The following CNGA1 variants were observed in gnomAD, a reference collection of about 807,000 sequenced individuals.
CNGA1 encodes cyclic nucleotide gated channel subunit alpha 1, also known as cyclic nucleotide-gated channel alpha-1.
In CNGA1, 53 loss-of-function variants were observed where a neutral mutation model predicts 69.7. The ratio of observed to expected loss-of-function variants is 0.76; its 90% CI spans 0.61 to 0.96. CNGA1 has a LOEUF of 0.96. CNGA1 is among the 40% of genes least tolerant of loss of function. The pLI is 0.00. For missense variants in CNGA1, 739 were observed against 811.2 expected, an observed-to-expected ratio of 0.91 and a Z score of 1.08; for synonymous variants, 249 against 283.5, an observed-to-expected ratio of 0.88 and a Z score of 1.22.
chr4:47,997,461 A>T (rs762105371), intron 2 of CNGA1, among the ~76,000 whole-genome samples: 4 of 152,204 alleles, frequency 2.6e-5, no homozygotes, highest in Non-Finnish European at 5.9e-5. Flanking sequence ...ATATGATTAA[A>T]ACCTAGCAAA....
In CNGA1 at chr4:47,936,149, A is replaced by T. The variant is rs774482905; in HGVS notation, c.*272T>A. The T allele has an allele frequency of 4.0e-6, 2 of 502,420 alleles. No homozygotes were observed. Among genetic ancestry groups the T allele is most frequent in the Non-Finnish European group, 7.1e-6 (2 of 282,492 alleles). The allele number at this position is 502,420 out of a possible 1,614,324, so 31.1% of individuals were successfully genotyped here. A position where few individuals can be genotyped will look rare whatever the true frequency, so the allele number is the denominator to read the frequency against. On this transcript the variant is annotated 3_prime_UTR_variant, in exon 11 of 11. Transcript: ENST00000514170. The stretch of plus-strand genomic sequence containing the variant: ...GAAGAATATTACATAAAATGAGCGT[A>T]TGTGAAAAAATCAGAAAATACAGAC...
intron 4 of CNGA1, among the ~76,000 whole-genome samples, chr4:47,952,368 AAAATAAAT>A (rs10665658): frequency 0.011 from 1,595 of 144,564 alleles, 7 homozygotes; most frequent in African/African-American, 0.017. Flanking sequence ...ACTCCATCTC[AAAATAAAT>A]AAATAAATAA....
chr4:47,968,611 GGAGACATAAATGCAAGAGGCT>G (rs1289772852), intron 3 of CNGA1, among the ~76,000 whole-genome samples: 1 of 152,176 alleles, frequency 6.6e-6, no homozygotes, highest in African/African-American at 2.4e-5. Flanking sequence ...CCCAAGAGCA[GGAGACATAAATGCAAGAGGCT>G]GCTTAAAGTT....
At chr4:48,007,771 T>C (rs1158235926) in intron 2 of CNGA1, among the ~76,000 whole-genome samples, 1 of 152,206 alleles carries the variant, frequency 6.6e-6, no homozygotes, top group Non-Finnish European at 1.5e-5. Context: ...GTTAGGCCAG[T>C]TACCAAAAGG....
At chr4:48,000,978 T>C (rs1269995794) in intron 2 of CNGA1, among the ~76,000 whole-genome samples, 2 of 152,196 alleles carry the variant, frequency 1.3e-5, no homozygotes, top group African/African-American at 2.4e-5. Context: ...AAGGTACCAA[T>C]CTTTAGCCTT....
chr4:47,976,164 TATATATACACATAC>T (rs1560300821), intron 3 of CNGA1, among the ~76,000 whole-genome samples: 8 of 41,408 alleles, frequency 1.9e-4, no homozygotes, highest in Admixed American at 5.4e-4. Context: ...TATATATATA[TATATATACACATAC>T]ATATATATAT....
At chr4:47,990,377 G>A (rs1028252249) in intron 2 of CNGA1, among the ~76,000 whole-genome samples, 1 of 152,016 alleles carries the variant, frequency 6.6e-6, no homozygotes, top group African/African-American at 2.4e-5. Context: ...TTGAGATAAG[G>A]GCTGAAATAC....
intron 8 of CNGA1, among the ~76,000 whole-genome samples, chr4:47,942,423 T>C (rs1165343664): frequency 1.3e-5 from 2 of 149,786 alleles, no homozygotes; most frequent in African/African-American, 4.9e-5. Context: ...GTTAAAGAGA[T>C]GTGTAAAAAT....
In CNGA1 at chr4:47,937,532, A is replaced by G; in HGVS notation, c.950T>C (p.Ile317Thr). The change falls in exon 11 of 11, where the codon ATT becomes ACT. Residue 317 changes from isoleucine (I) to threonine (T), a missense_variant. Coordinates refer to ENST00000514170, the MANE Select transcript of CNGA1 (RefSeq NM_001379270.1). ...IHWNACVFYSISKAIGFGNDT... is the reference protein window; with the variant it reads ...IHWNACVFYSTSKAIGFGNDT... Reference sequence around the variant, plus strand: ...ATTTCCAAATCCAATAGCTTTAGAAATAGAGTAGAACACACATGCATTCCA... The same window carrying G: ...ATTTCCAAATCCAATAGCTTTAGAAGTAGAGTAGAACACACATGCATTCCA... The G allele has an allele frequency of 6.2e-7, 1 of 1,614,224 alleles. No homozygotes were observed. Among genetic ancestry groups the G allele is most frequent in the Non-Finnish European group, 8.5e-7 (1 of 1,180,038 alleles).
intron 8 of CNGA1, 76 bp downstream of exon 8, chr4:47,943,104 TG>T: frequency 2.0e-6 from 2 of 1,018,878 alleles, no homozygotes; most frequent in Non-Finnish European, 3.0e-6. Flanking sequence ...CTTTCTACTT[TG>T]TATTATGGAA....
chr4:47,939,636 T>C (rs1238869345), intron 10 of CNGA1, among the ~76,000 whole-genome samples: 1 of 152,206 alleles, frequency 6.6e-6, no homozygotes, highest in African/African-American at 2.4e-5. Flanking sequence ...CCTTAACCTG[T>C]TGGGCCTGTT....
intron 2 of CNGA1, among the ~76,000 whole-genome samples, chr4:47,992,459 T>G (rs903546573): frequency 6.6e-6 from 1 of 151,996 alleles, no homozygotes; most frequent in African/African-American, 2.4e-5. Context: ...CTTGATTTGA[T>G]TCTCAGCTTG....
At chr4:47,980,831 C>G (rs1448030100) in intron 3 of CNGA1, among the ~76,000 whole-genome samples, 1 of 151,578 alleles carries the variant, frequency 6.6e-6, no homozygotes, top group African/African-American at 2.4e-5. Context: ...TAAAAGAAGG[C>G]AAGGTGATTT....
intron 1 of CNGA1, among the ~76,000 whole-genome samples, chr4:48,014,214 G>C (rs1715282549): frequency 6.6e-6 from 1 of 152,114 alleles, no homozygotes; most frequent in Admixed American, 6.5e-5. Flanking sequence ...ACATGATTTT[G>C]CGGGGGAATA....
intron 3 of CNGA1, among the ~76,000 whole-genome samples, chr4:47,976,260 C>CATATATATATACATATATATGTAT (rs1741385965): frequency 4.4e-5 from 1 of 22,946 alleles, no homozygotes; most frequent in South Asian, 1.1e-3. Context: ...TATACACATA[C>CATATATATATACATATATATGTAT]ATATATATAT....
At position 47,936,788 on chromosome 4, in the gene CNGA1, CCA is replaced by C; in HGVS notation, c.1692_1693del (p.Ile564MetfsTer12). The C allele has an allele frequency of 6.2e-7, 1 of 1,614,116 alleles. No individual in the cohort carries two copies. Among genetic ancestry groups the C allele is most frequent in the Non-Finnish European group, 8.5e-7 (1 of 1,180,018 alleles). On this transcript the variant is annotated frameshift_variant, in exon 11 of 11. Transcript: ENST00000514170. LOFTEE classifies it high-confidence loss of function. The stretch of plus-strand genomic sequence containing the variant: ...TGAGAGACAGAACAGGTCTGAGTAG[CCA>C]ATACTTTTAATATTGGCCGTTCTTC...
chr4:48,013,037 A>G (rs1577615746), intron 1 of CNGA1: 2 of 152,232 alleles, frequency 1.3e-5, no homozygotes, highest in African/African-American at 4.8e-5. Context: ...CTTTCTTGAT[A>G]GAAGCAAGTA....
At chr4:48,015,963 C>T (rs1441771623) in intron 1 of CNGA1, among the ~76,000 whole-genome samples, 1 of 152,196 alleles carries the variant, frequency 6.6e-6, no homozygotes, top group African/African-American at 2.4e-5. Context: ...TACTTAACCT[C>T]ACTCTTTGCC....
chr4:48,011,777 T>G (rs1374451427), intron 1 of CNGA1, among the ~76,000 whole-genome samples: 2 of 152,186 alleles, frequency 1.3e-5, no homozygotes, highest in African/African-American at 2.4e-5. Context: ...GTAGGCAAAT[T>G]TAAACATTTT....
Sources: allele counts gnomAD v4.1 joint callset (sites outside exome capture counted in the v4.1 genomes callset), GRCh38; gene constraint gnomAD v4.1.1; transcripts MANE v1.5; gene names NCBI Gene and HGNC (gene_info 2026-07-23, HGNC 2026-07-21).